Variants in NUP85 observed in about 807,000 individuals in gnomAD.
NUP85 encodes nucleoporin 85.
A neutral mutation model predicts 92.8 loss-of-function variants in NUP85; 23 were observed. The observed-to-expected ratio is 0.25, with a 90% CI of 0.18 to 0.35. The LOEUF (loss-of-function observed/expected upper bound fraction) is 0.35, where lower values mean the gene tolerates loss of function less well. NUP85 is among the 10% of genes least tolerant of loss of function. NUP85 has a pLI of 1.00. For missense variants in NUP85, 759 were observed against 822.8 expected, an observed-to-expected ratio of 0.92 and a Z score of 0.95; for synonymous variants, 314 against 306.9, an observed-to-expected ratio of 1.02 and a Z score of -0.24.
At chr17:75,220,068 G>T (rs1308643432) in intron 7 of NUP85, among the ~76,000 whole-genome samples, 2 of 152,160 alleles carry the variant, frequency 1.3e-5, no homozygotes, top group East Asian at 1.9e-4. Context: ...AACATGGTCT[G>T]TGGTGCCACA....
intron 14 of NUP85, among the ~76,000 whole-genome samples, chr17:75,232,516 T>C (rs951571030): frequency 1.3e-5 from 2 of 152,044 alleles, no homozygotes; most frequent in Non-Finnish European, 2.9e-5. Context: ...ATTTGAGGCA[T>C]CTGGAGAGGT....
At chr17:75,212,238 T>TTTGTTG (rs1395059827) in intron 4 of NUP85, among the ~76,000 whole-genome samples, 176 bp downstream of exon 4, 2,208 of 7,560 alleles carry the variant, frequency 0.29, 105 homozygotes, top group South Asian at 0.39. Flanking sequence ...GGTTTTTTTT[T>TTTGTTG]TTGTTGTTGT....
rs201098456 is a variant in NUP85 at position 75,231,757 on chromosome 17, G to A, written c.1245-71G>A. 11 of 1,607,506 alleles carry A rather than the reference G, an allele frequency of 6.8e-6. No homozygotes were observed. Among genetic ancestry groups the A allele is most frequent in the Non-Finnish European group, 9.4e-6 (11 of 1,175,006 alleles). On this transcript the variant is annotated intron_variant, in intron 13 of 18. Transcript: ENST00000245544. This position sits in a 1 kb window ranked among gnomAD's most constrained non-coding sequence, Gnocchi z 4.6. ...GAAGGCTTCGGAAGGGTCAGTGAAAGGGAGCTGTAGGTGCCAGTCCTCGGA... is the reference window on the plus strand; with the variant it reads ...GAAGGCTTCGGAAGGGTCAGTGAAAAGGAGCTGTAGGTGCCAGTCCTCGGA...
At chr17:75,232,488 G>A (rs1029846031) in intron 14 of NUP85, among the ~76,000 whole-genome samples, 2 of 152,252 alleles carry the variant, frequency 1.3e-5, no homozygotes, top group South Asian at 2.1e-4. Flanking sequence ...TGGTATTCAC[G>A]ATCCACAGGA....
At position 75,233,363 on chromosome 17, in the gene NUP85, T is replaced by A. The variant is rs117631231; in HGVS notation, c.1615+205T>A. Reference sequence around the variant, plus strand: ...CCTCCATGTTTGTTTGTTTGTTTGTTTGTTTTTCTTTCTTTCTCTCTTTCT... The same window carrying A: ...CCTCCATGTTTGTTTGTTTGTTTGTATGTTTTTCTTTCTTTCTCTCTTTCT... On this transcript the variant is annotated intron_variant, in intron 16 of 18. Transcript: ENST00000245544. 3.2e-3 allele frequency among the ~76,000 whole-genome samples: 454 copies of A among 140,606 alleles called. 4 individuals carry two copies. Among genetic ancestry groups the A allele is most frequent in the East Asian group, 0.032 (150 of 4,668 alleles). The allele number at this position is 140,606 out of a possible 152,430, so 92.2% of individuals were successfully genotyped here. A position where few individuals can be genotyped will look rare whatever the true frequency, so the allele number is the denominator to read the frequency against.
At chr17:75,206,583 A>G (rs1425697370) in intron 1 of NUP85, among the ~76,000 whole-genome samples, 5 of 152,090 alleles carry the variant, frequency 3.3e-5, no homozygotes, top group Admixed American at 2.0e-4. Flanking sequence ...AAATGATTAC[A>G]TTCTTGTGAG....
intron 3 of NUP85, among the ~76,000 whole-genome samples, chr17:75,210,718 T>C (rs1232389243): frequency 6.6e-6 from 1 of 152,192 alleles, no homozygotes; most frequent in Non-Finnish European, 1.5e-5. Context: ...CTGTTTTTTT[T>C]CGAGGCAGAG....
At chr17:75,227,579 C>G (rs12938997) in intron 11 of NUP85, among the ~76,000 whole-genome samples, 139,674 of 151,918 alleles carry the variant, frequency 0.92, 65,057 homozygotes, top group Non-Finnish European at 1. Context: ...GACCTCAGGT[C>G]ATCTGCCCAT....
intron 2 of NUP85, among the ~76,000 whole-genome samples, chr17:75,209,529 C>T (rs989131515): frequency 1.2e-4 from 18 of 148,832 alleles, no homozygotes; most frequent in South Asian, 4.3e-4. Flanking sequence ...CTGCCACCTC[C>T]GCCTCCCGGT....
At chr17:75,210,681 G>T (rs1159646615) in intron 3 of NUP85, among the ~76,000 whole-genome samples, 2 of 152,134 alleles carry the variant, frequency 1.3e-5, no homozygotes, top group African/African-American at 4.8e-5. Flanking sequence ...GTGTGAGTGT[G>T]TGCAAGAGTG....
intron 7 of NUP85, among the ~76,000 whole-genome samples, chr17:75,221,198 T>C (rs929224537): frequency 1.1e-4 from 16 of 150,168 alleles, no homozygotes; most frequent in Non-Finnish European, 1.8e-4. Context: ...TATTTTTTAT[T>C]TTTATTTATT....
At chr17:75,215,948 C>A in intron 6 of NUP85, 125 bp downstream of exon 6, 1 of 864,758 alleles carries the variant, frequency 1.2e-6, no homozygotes, top group Non-Finnish European at 1.8e-6. Flanking sequence ...ATCATTATAA[C>A]CACGGGAAGT....
intron 5 of NUP85, among the ~76,000 whole-genome samples, chr17:75,215,447 C>T (rs963082992): frequency 3.3e-5 from 5 of 152,192 alleles, no homozygotes; most frequent in Admixed American, 2.0e-4. Flanking sequence ...TAGACTCAAG[C>T]ATTCCACCTG....
intron 7 of NUP85, among the ~76,000 whole-genome samples, chr17:75,221,464 G>A (rs572007715): frequency 6.6e-6 from 1 of 151,922 alleles, no homozygotes; most frequent in East Asian, 1.9e-4. Flanking sequence ...TTGAACTCCT[G>A]GCCTCAAGCA....
chr17:75,233,788 T>C (rs562244460), intron 16 of NUP85, among the ~76,000 whole-genome samples: 38 of 152,024 alleles, frequency 2.5e-4, no homozygotes, highest in South Asian at 1.9e-3. Flanking sequence ...TTAGTAGAGA[T>C]GGGGTTTCAC....
At chr17:75,210,951 T>C (rs2075239665) in intron 3 of NUP85, among the ~76,000 whole-genome samples, 1 of 150,942 alleles carries the variant, frequency 6.6e-6, no homozygotes, top group Non-Finnish European at 1.5e-5. Context: ...TCCACCTGCT[T>C]CGGCCTCCCA....
At chr17:75,225,279 C>G (rs777717387) in intron 8 of NUP85, 42 bp downstream of exon 8, 4 of 1,609,192 alleles carry the variant, frequency 2.5e-6, no homozygotes, top group Non-Finnish European at 3.4e-6. Flanking sequence ...ACAGGAGATG[C>G]GTGATTCACT....
rs958398239 is a variant in NUP85, at chr17:75,231,670, G to A, written c.1244+32G>A. 3.6e-5 allele frequency: 57 copies of A among 1,569,280 alleles called. 1 individual carries two copies. In the Middle Eastern group the frequency reaches 5.1e-4, roughly 14 times the overall value. On this transcript the variant is annotated intron_variant, in intron 13 of 18. Coordinates refer to ENST00000245544, the MANE Select transcript of NUP85 (RefSeq NM_024844.5). This position sits in a 1 kb window ranked among gnomAD's most constrained non-coding sequence, Gnocchi z 4.6. ...AGGACCCCATGGGTGTGGGCTATGC[G>A]GGTGCTCTTCAGCATGCGGGTGCCA...
At chr17:75,218,459 C>G (rs2075497009) in intron 7 of NUP85, among the ~76,000 whole-genome samples, 153 bp downstream of exon 7, 2 of 151,844 alleles carry the variant, frequency 1.3e-5, no homozygotes, top group African/African-American at 4.8e-5. Context: ...CTTCCCTGCT[C>G]TATGGGAGAG....
Sources: allele counts gnomAD v4.1 joint callset (sites outside exome capture counted in the v4.1 genomes callset), GRCh38; gene constraint gnomAD v4.1.1; non-coding constraint Gnocchi (gnomAD v3.1); transcripts MANE v1.5; gene names NCBI Gene and HGNC (gene_info 2026-07-23, HGNC 2026-07-21).